ZPR1: variants seen among roughly 807,000 people sequenced by gnomAD.
ZPR1 encodes ZPR1 zinc finger.
In ZPR1, 37 loss-of-function variants were observed where a neutral mutation model predicts 59.6. That is an observed-to-expected ratio of 0.62 (90% CI 0.48 to 0.82). ZPR1 has a LOEUF of 0.82. Among genes scored for constraint, ZPR1 ranks in the 40% least tolerant of loss-of-function variants. ZPR1 has a pLI of 0.00. For synonymous variants in ZPR1, 191 were observed against 215.2 expected, an observed-to-expected ratio of 0.89 and a Z score of 0.99; for missense variants, 527 against 579.9, an observed-to-expected ratio of 0.91 and a Z score of 0.94.
chr11:116,779,156 T>G, intron 13 of ZPR1, 97 bp from the exon 14 acceptor site: 2 of 1,531,484 alleles, frequency 1.3e-6, no homozygotes, highest in African/African-American at 2.8e-5. Flanking sequence ...GAATGAGTTT[T>G]GGGTTTTTTT....
At position 116,785,607 on chromosome 11, in the gene ZPR1, A is replaced by C. The variant is rs1306919212; in HGVS notation, c.612T>G (p.Phe204Leu). 6.2e-7 allele frequency: 1 copy of C among 1,614,062 alleles called. No individual in the cohort carries two copies. The highest frequency in any genetic ancestry group is 8.5e-7 in the Non-Finnish European group (1 of 1,180,046). ...TCTGAGGAGCATGTGGGTTTTCCAC[A>C]AAACTGTTCCCTGAGGGATCATCAA... Reference protein sequence around the residue: ...LIIDDPSGNSFVENPHAPQKD... With the variant: ...LIIDDPSGNSLVENPHAPQKD... The change falls in exon 6 of 14, where the codon TTT becomes TTG. Residue 204 changes from phenylalanine to leucine, a missense_variant. Transcript: ENST00000227322.
chr11:116,787,982 G>A lies in ZPR1; in HGVS notation c.9C>T (p.Ala3=). 1 of 1,426,536 alleles carries A rather than the reference G, an allele frequency of 7.0e-7. No individual in the cohort carries two copies. The highest frequency in any genetic ancestry group is 1.5e-5 in the African/African-American group (1 of 66,668). 88.4% of individuals were successfully genotyped at this position (1,426,536 alleles called of 1,614,324 possible). The part of the protein sequence containing the change: MA[A]SGAVEPGPPG... ...GGGGCCCTGGTTCCACAGCCCCGCT[G>A]GCCGCCATGGCCACCACGCGCAATT... The change falls in exon 1 of 14, where the codon GCC becomes GCT. Residue 3 remains alanine, a synonymous_variant. Coordinates refer to ENST00000227322, the MANE Select transcript of ZPR1 (RefSeq NM_003904.5).
At chr11:116,786,468 C>G in intron 4 of ZPR1, 43 bp downstream of exon 4, 1 of 1,611,948 alleles carries the variant, frequency 6.2e-7, no homozygotes, top group Non-Finnish European at 8.5e-7. Flanking sequence ...TCTATATAAG[C>G]AATTATTCCT....
intron 9 of ZPR1, 72 bp from the exon 10 acceptor site, chr11:116,783,691 G>A (rs1940843891): frequency 2.4e-6 from 3 of 1,270,074 alleles, no homozygotes; most frequent in African/African-American, 1.5e-5. Flanking sequence ...GACCTGGAGT[G>A]TAGGCTTGGA....
intron 6 of ZPR1, 139 bp from the exon 7 acceptor site, chr11:116,785,285 A>C: frequency 8.8e-7 from 1 of 1,130,998 alleles, no homozygotes; most frequent in South Asian, 1.4e-5. Context: ...GAGAAACCAC[A>C]AAGTAAAGCC....
At chr11:116,781,345 C>T (rs571221022) in intron 12 of ZPR1, among the ~76,000 whole-genome samples, 17 of 152,200 alleles carry the variant, frequency 1.1e-4, no homozygotes, top group African/African-American at 3.9e-4. Context: ...TGAAAACTGA[C>T]CCACACCAAG....
rs1940721699 is a variant in ZPR1 at position 116,776,317 on chromosome 11, T to G, written c.*2608A>C. The G allele has an allele frequency of 6.6e-6, 1 of 152,244 alleles. No individual in the cohort carries two copies. Among genetic ancestry groups the G allele is most frequent in the African/African-American group, 2.4e-5 (1 of 41,464 alleles). The allele number at this position is 152,244 out of a possible 1,614,324, so 9.4% of individuals were successfully genotyped here. A position where few individuals can be genotyped will look rare whatever the true frequency, so the allele number is the denominator to read the frequency against. On this transcript the variant is annotated 3_prime_UTR_variant, in exon 14 of 14. Coordinates refer to ENST00000227322, the MANE Select transcript of ZPR1 (RefSeq NM_003904.5). The stretch of plus-strand genomic sequence containing the variant: ...ATCCACATGTTCCTGGCACTTTGAC[T>G]CACCTACCCTGGCCTTAAAGCGAGA...
In ZPR1 at chr11:116,785,618, C is replaced by T. The variant is rs1466554884; in HGVS notation, c.601G>A (p.Gly201Arg). The T allele has an allele frequency of 3.7e-6, 6 of 1,614,090 alleles. No individual in the cohort carries two copies. The highest frequency in any genetic ancestry group is 5.1e-6 in the Non-Finnish European group (6 of 1,180,028). The stretch of plus-strand genomic sequence containing the variant: ...TGTGGGTTTTCCACAAAACTGTTCC[C>T]TGAGGGATCATCAATGATCTAACAA... ...PFTLIIDDPSGNSFVENPHAP... is the reference protein window; with the variant it reads ...PFTLIIDDPSRNSFVENPHAP... Residue 201 changes from glycine (G) to arginine (R), a missense_variant, in exon 6 of 14, where the codon GGG becomes AGG. Gly to Arg is a moderately radical substitution (Grantham distance 125). Transcript: ENST00000227322.
Position 116,775,627 on chromosome 11 carries a change from C to CAAAAAAAAAAAAAAAA in ZPR1, c.*3282_*3297dup, listed in dbSNP as rs36148817. The CAAAAAAAAAAAAAAAA allele has an allele frequency of 5.5e-5, 4 of 72,916 alleles. No homozygotes were observed. Among genetic ancestry groups the CAAAAAAAAAAAAAAAA allele is most frequent in the Non-Finnish European group, 8.6e-5 (3 of 34,868 alleles). 4.5% of individuals were successfully genotyped at this position (72,916 alleles called of 1,614,324 possible). ...TGGGCAACAGAGTGAGACTCCGTCT[C>CAAAAAAAAAAAAAAAA]AAAAAAAAAAAAAAAAAAAAAAAAA... On this transcript the variant is annotated 3_prime_UTR_variant, in exon 14 of 14. Coordinates refer to ENST00000227322, the MANE Select transcript of ZPR1 (RefSeq NM_003904.5).
At chr11:116,779,732 A>G in intron 13 of ZPR1, 40 bp downstream of exon 13, 1 of 1,440,720 alleles carries the variant, frequency 6.9e-7, no homozygotes. Flanking sequence ...GAAGATCAGA[A>G]AATGTATCTC....
rs1310638322 is a variant in ZPR1 at position 116,787,930 on chromosome 11, C to CGGGCGACG, written c.53_60dup (p.Ala21ArgfsTer35). On this transcript the variant is annotated frameshift_variant, in exon 1 of 14. Transcript: ENST00000227322. LOFTEE classifies it high-confidence loss of function. Reference sequence around the variant, plus strand: ...TCAGGGGCAGGCGGCGGGGCCGGGGCGGGCGACGGGGCGACGGCAGCCCCC... The same window carrying CGGGCGACG: ...TCAGGGGCAGGCGGCGGGGCCGGGGCGGGCGACGGGGCGACGGGGCGACGGCAGCCCCC... 11 of 1,486,426 alleles carry CGGGCGACG rather than the reference C, an allele frequency of 7.4e-6. No individual in the cohort carries two copies. Among genetic ancestry groups the CGGGCGACG allele is most frequent in the Non-Finnish European group, 9.8e-6 (11 of 1,125,358 alleles). The allele number at this position is 1,486,426 out of a possible 1,614,324, so 92.1% of individuals were successfully genotyped here.
intron 10 of ZPR1, among the ~76,000 whole-genome samples, 184 bp downstream of exon 10, chr11:116,783,346 G>T (rs1940838291): frequency 6.6e-6 from 1 of 152,174 alleles, no homozygotes; most frequent in African/African-American, 2.4e-5. Flanking sequence ...AGCTAACAGG[G>T]TCACCTTCTA....
In ZPR1 at chr11:116,785,889, T is replaced by C. The variant is rs199591450; in HGVS notation, c.496-7A>G. The stretch of plus-strand genomic sequence containing the variant: ...CTGTAGCATCTTTGTTTGCCTGCCA[T>C]GAACAGAGAGTAAAGCATCAGCCCT... On this transcript the variant is annotated splice_region_variant and splice_polypyrimidine_tract_variant and intron_variant, in intron 4 of 13. Transcript: ENST00000227322. The C allele has an allele frequency of 1.9e-6, 3 of 1,613,614 alleles. No individual in the cohort carries two copies. Among genetic ancestry groups the C allele is most frequent in the African/African-American group, 1.3e-5 (1 of 75,050 alleles).
intron 2 of ZPR1, 89 bp downstream of exon 2, chr11:116,787,393 T>C: frequency 7.1e-7 from 1 of 1,405,084 alleles, no homozygotes; most frequent in Non-Finnish European, 9.7e-7. Flanking sequence ...GGGGATTTAT[T>C]TAAGATCCGA....
chr11:116,783,858 C>A (rs1275861665), intron 9 of ZPR1, among the ~76,000 whole-genome samples: 2 of 121,700 alleles, frequency 1.6e-5, no homozygotes, highest in Admixed American at 8.1e-5. Context: ...CTGAATTTAC[C>A]TTAAAAAAAA....
chr11:116,782,872 C>T (rs780478639), intron 11 of ZPR1, 47 bp downstream of exon 11: 1 of 1,504,054 alleles, frequency 6.6e-7, no homozygotes, highest in Non-Finnish European at 9.3e-7. Context: ...CCTCTTCACA[C>T]AGCCAAATTG....
At position 116,773,940 on chromosome 11, in the gene ZPR1, A is replaced by C. The variant is rs748643475; in HGVS notation, c.*4985T>G. 1 of 152,224 alleles carries C rather than the reference A, an allele frequency of 6.6e-6. No individual in the cohort carries two copies. Among genetic ancestry groups the C allele is most frequent in the Admixed American group, 6.5e-5 (1 of 15,276 alleles). 9.4% of individuals were successfully genotyped at this position (152,224 alleles called of 1,614,324 possible). A position where few individuals can be genotyped will look rare whatever the true frequency, so the allele number is the denominator to read the frequency against. On this transcript the variant is annotated 3_prime_UTR_variant, in exon 14 of 14. Transcript: ENST00000227322. Reference sequence around the variant, plus strand: ...AACTGAAGCGTGGCAAGATTAAGGAAGTTGCTCAACTTCACATAGTCAGAA... The same window carrying C: ...AACTGAAGCGTGGCAAGATTAAGGACGTTGCTCAACTTCACATAGTCAGAA...
intron 1 of ZPR1, 26 bp downstream of exon 1, chr11:116,787,794 C>T (rs1190685798): frequency 6.5e-7 from 1 of 1,537,862 alleles, no homozygotes; most frequent in Non-Finnish European, 8.8e-7. Context: ...ACCCACCCGC[C>T]GCTCGCGGCC....
Position 116,785,181 on chromosome 11 carries a change from G to C in ZPR1, c.706-35C>G, listed in dbSNP as rs185200792. ...CAAAGATGCAGGTCGCAAGTTGGCA[G>C]GTATACCTCAGTGTCCCCAACACCC... On this transcript the variant is annotated intron_variant, in intron 6 of 13. Transcript: ENST00000227322. The C allele has an allele frequency of 2.4e-4, 388 of 1,612,544 alleles. 2 individuals carry two copies. In the East Asian group the frequency reaches 7.1e-3, roughly 29 times the overall value.
Sources: gnomAD v4.1 joint callset for allele counts (sites outside exome capture counted in the v4.1 genomes callset) on GRCh38, gnomAD v4.1.1 for gene constraint, MANE v1.5 for transcripts, NCBI Gene and HGNC (gene_info 2026-07-23, HGNC 2026-07-21) for gene names.